TBC1D23: variants seen among roughly 807,000 people sequenced by gnomAD.
TBC1D23 encodes TBC1 domain family member 23, also known as HCV non-structural protein 4A-transactivated protein 1.
TBC1D23 carries 55 observed loss-of-function variants against 91.4 expected under a neutral mutation model. The observed-to-expected ratio is 0.60, with a 90% CI of 0.48 to 0.75. The LOEUF is 0.75. Ranked by LOEUF, TBC1D23 falls within the 30% of genes least tolerant of loss-of-function variation. The probability of loss-of-function intolerance (pLI) is 0.00; values close to 1 mark genes in which losing one functional copy is unlikely to be tolerated. For synonymous variants in TBC1D23, 289 were observed against 281.0 expected (o/e 1.03, Z -0.28); for missense variants, 725 against 836.1 (o/e 0.87, Z 1.64).
At chr3:100,287,055 C>T (rs367663361) in intron 4 of TBC1D23, among the ~76,000 whole-genome samples, 4 of 152,208 alleles carry the variant, frequency 2.6e-5, no homozygotes, top group East Asian at 3.9e-4. Flanking sequence ...TCAAGTGATC[C>T]GCCCCCTTCG....
intron 4 of TBC1D23, among the ~76,000 whole-genome samples, chr3:100,288,019 AT>A (rs1169766179): frequency 1.3e-5 from 2 of 152,062 alleles, no homozygotes; most frequent in Admixed American, 6.5e-5. Context: ...GGGCAGGCAG[AT>A]CACTTGACCC....
At chr3:100,283,937 A>T (rs1324879565) in intron 4 of TBC1D23, 126 bp downstream of exon 4, 1 of 575,666 alleles carries the variant, frequency 1.7e-6, no homozygotes, top group East Asian at 2.8e-5. Context: ...GGATTGTTTG[A>T]TCCATAATTG....
intron 4 of TBC1D23, among the ~76,000 whole-genome samples, chr3:100,285,718 C>T (rs1268748696): frequency 6.6e-6 from 1 of 152,198 alleles, no homozygotes; most frequent in Non-Finnish European, 1.5e-5. Flanking sequence ...AGTTTCTTCA[C>T]ATCCTTGTCA....
chr3:100,290,857 A>G (rs1232311933), intron 5 of TBC1D23, among the ~76,000 whole-genome samples, 156 bp downstream of exon 5: 1 of 152,162 alleles, frequency 6.6e-6, no homozygotes, highest in Non-Finnish European at 1.5e-5. Flanking sequence ...TTTCAAAATA[A>G]CTTTTTTTGC....
chr3:100,298,640 T>C (rs761406146), intron 9 of TBC1D23, among the ~76,000 whole-genome samples: 9 of 152,222 alleles, frequency 5.9e-5, no homozygotes, highest in Non-Finnish European at 8.8e-5. Context: ...TCTTTCTTAG[T>C]TGGATTTCTT....
chr3:100,299,677 T>C (rs780611912), intron 10 of TBC1D23, among the ~76,000 whole-genome samples: 20 of 152,070 alleles, frequency 1.3e-4, no homozygotes, highest in African/African-American at 3.1e-4. Context: ...GCCCGGCTAA[T>C]TTTTTGTATT....
intron 13 of TBC1D23, among the ~76,000 whole-genome samples, chr3:100,308,147 CAT>C (rs1328262122): frequency 6.6e-6 from 1 of 152,132 alleles, no homozygotes; most frequent in Admixed American, 6.5e-5. Context: ...GAAATAGAAA[CAT>C]AATTTTTTTT....
intron 15 of TBC1D23, among the ~76,000 whole-genome samples, chr3:100,313,176 A>G (rs1490209320): frequency 1.3e-5 from 2 of 152,192 alleles, no homozygotes; most frequent in Non-Finnish European, 2.9e-5. Flanking sequence ...TTTTAAAATT[A>G]CAATCTATTT....
chr3:100,267,416 G>A (rs2067566045), intron 1 of TBC1D23, among the ~76,000 whole-genome samples: 1 of 152,152 alleles, frequency 6.6e-6, no homozygotes, highest in East Asian at 1.9e-4. Context: ...GTCATTTGTT[G>A]CAAGTCTTCA....
intron 5 of TBC1D23, among the ~76,000 whole-genome samples, chr3:100,292,538 C>T (rs553649598): frequency 1.3e-5 from 2 of 152,298 alleles, no homozygotes; most frequent in South Asian, 4.1e-4. Flanking sequence ...CTTCTGGGCT[C>T]ATTAAATCTC....
rs969542118 is a variant in TBC1D23, at chr3:100,283,767, T to C, written c.432T>C (p.Asp144=). 6.2e-7 allele frequency: 1 copy of C among 1,613,038 alleles called. No individual in the cohort carries two copies. Among genetic ancestry groups the C allele is most frequent in the Non-Finnish European group, 8.5e-7 (1 of 1,179,152 alleles). ...PLVHLQLPRS[D]LYNCFYAIMN... is the part of the protein sequence containing the mutation. ...TGCATCTTCAACTGCCACGCAGCGA[T>C]TTATACAACTGCTTTTATGCCATAA... The change falls in exon 4 of 19, where the codon GAT becomes GAC. Residue 144 remains aspartate, a synonymous_variant. Coordinates refer to ENST00000394144, the MANE Select transcript of TBC1D23 (RefSeq NM_001199198.3).
At chr3:100,291,308 C>T (rs151091167) in intron 5 of TBC1D23, among the ~76,000 whole-genome samples, 5 of 152,070 alleles carry the variant, frequency 3.3e-5, no homozygotes, top group Admixed American at 6.6e-5. Context: ...CTAGACTAGG[C>T]GCAGTGGCTC....
chr3:100,294,163 A>C (rs1361056243), intron 5 of TBC1D23, among the ~76,000 whole-genome samples: 1 of 152,200 alleles, frequency 6.6e-6, no homozygotes, highest in Admixed American at 6.5e-5. Context: ...ACTTCATGCA[A>C]CTTAAAACAC....
rs1387356517 is a variant in TBC1D23, at chr3:100,310,384, C to T, written c.1414-19C>T. 2 of 1,603,882 alleles carry T rather than the reference C, an allele frequency of 1.2e-6. No homozygotes were observed. The highest frequency in any genetic ancestry group is 1.7e-5 in the Admixed American group (1 of 58,568). ...TTTAGTCATTCAGAGGCAGTTAATC[C>T]ATTATGTTCTTTTTTTAGGGTGAAT... On this transcript the variant is annotated intron_variant, in intron 13 of 18. Transcript: ENST00000394144.
intron 1 of TBC1D23, among the ~76,000 whole-genome samples, chr3:100,276,706 C>T (rs563709102): frequency 1.3e-5 from 2 of 152,280 alleles, no homozygotes; most frequent in African/African-American, 2.4e-5. Context: ...CACACAACAT[C>T]AGGTGAGGGG....
chr3:100,315,599 A>G (rs1705729558), intron 15 of TBC1D23, among the ~76,000 whole-genome samples: 1 of 152,252 alleles, frequency 6.6e-6, no homozygotes. Context: ...AGCCTTAACC[A>G]ATCATATTGG....
chr3:100,320,073 G>A lies in TBC1D23; in HGVS notation c.1824-704G>A, dbSNP rs144522202. 3.9e-5 allele frequency among the ~76,000 whole-genome samples: 6 copies of A among 152,132 alleles called. No homozygotes were observed. In the East Asian group the frequency reaches 1.2e-3, roughly 29 times the overall value. On this transcript the variant is annotated intron_variant, in intron 17 of 18. Transcript: ENST00000394144. ...TCATGGTTTACACATTGCATTGTCT[G>A]TTATGTGTCTTTAGTCTCACCCTGT...
chr3:100,267,188 A>G (rs567749827), intron 1 of TBC1D23: 7 of 439,054 alleles, frequency 1.6e-5, no homozygotes, highest in African/African-American at 4.1e-5. Flanking sequence ...AGGATTAAAC[A>G]GTTTGAAAAG....
At chr3:100,288,745 C>T (rs1383806029) in intron 4 of TBC1D23, among the ~76,000 whole-genome samples, 1 of 152,120 alleles carries the variant, frequency 6.6e-6, no homozygotes, top group Admixed American at 6.6e-5. Flanking sequence ...TATCTCAGTA[C>T]AAAAGCTGAA....
Sources: gnomAD v4.1 joint callset for allele counts (sites outside exome capture counted in the v4.1 genomes callset) on GRCh38, gnomAD v4.1.1 for gene constraint, MANE v1.5 for transcripts, NCBI Gene and HGNC (gene_info 2026-07-23, HGNC 2026-07-21) for gene names.